Variants in SGCZ observed in about 807,000 individuals in gnomAD.
The protein encoded by SGCZ is zeta-sarcoglycan.
SGCZ carries 40 observed loss-of-function variants against 41.3 expected under a neutral mutation model. The ratio of observed to expected loss-of-function variants is 0.97; its 90% confidence interval spans 0.75 to 1.26. The LOEUF is 1.26. SGCZ is among the 50% of genes most tolerant of loss of function. The pLI is 0.00. For synonymous variants in SGCZ, 206 were observed against 137.5 expected (o/e 1.50, Z -3.49); for missense variants, 552 against 369.8 (o/e 1.49, Z -4.04).
chr8:14,614,676 T>A (rs1196367136), intron 1 of SGCZ, among the ~76,000 whole-genome samples: 2 of 152,074 alleles, frequency 1.3e-5, no homozygotes, highest in Non-Finnish European at 2.9e-5. Context: ...TAGAAAATTT[T>A]TTAAAAGAAG....
intron 1 of SGCZ, among the ~76,000 whole-genome samples, chr8:15,094,666 T>A (rs934930519): frequency 6.6e-6 from 1 of 152,136 alleles, no homozygotes; most frequent in Admixed American, 6.5e-5. Context: ...CAGTTCTTTG[T>A]CCCCACCTTG....
chr8:14,763,680 G>A lies in SGCZ; in HGVS notation c.40-208754C>T, dbSNP rs554276583. Among the ~76,000 whole-genome samples the A allele has an allele frequency of 7.2e-5, 11 of 152,226 alleles. No individual in the cohort carries two copies. In the South Asian group the frequency reaches 8.3e-4, roughly 11 times the overall value. ...GAGATATGATAATACCATAGAGGAG[G>A]TAGGAAGAAAACCCAATGATGGCTT... On this transcript the variant is annotated intron_variant, in intron 1 of 7. Transcript: ENST00000382080.
At chr8:15,053,948 G>A (rs771136618) in intron 1 of SGCZ, among the ~76,000 whole-genome samples, 19 of 152,006 alleles carry the variant, frequency 1.2e-4, no homozygotes, top group Admixed American at 2.6e-4. Flanking sequence ...TATCATCCTT[G>A]ACAAAATTGA....
chr8:14,187,381 A>G (rs2117037602), intron 4 of SGCZ, among the ~76,000 whole-genome samples: 1 of 152,338 alleles, frequency 6.6e-6, no homozygotes, highest in East Asian at 1.9e-4. Context: ...TGCTTGTGAG[A>G]ATGAGCAAAT....
intron 2 of SGCZ, among the ~76,000 whole-genome samples, chr8:14,452,303 G>T (rs1800617722): frequency 6.6e-6 from 1 of 152,038 alleles, no homozygotes; most frequent in African/African-American, 2.4e-5. Context: ...GGGGGGTGAG[G>T]GGAGGGACGA....
At chr8:15,084,150 T>C (rs747797998) in intron 1 of SGCZ, among the ~76,000 whole-genome samples, 5 of 152,220 alleles carry the variant, frequency 3.3e-5, no homozygotes, top group Non-Finnish European at 4.4e-5. Context: ...AAGAAAAATA[T>C]GGAATTCTGA....
chr8:14,193,435 C>T (rs940834031), intron 4 of SGCZ, among the ~76,000 whole-genome samples: 1 of 151,996 alleles, frequency 6.6e-6, no homozygotes, highest in East Asian at 1.9e-4. Flanking sequence ...ACTGTGGCAA[C>T]ATTAAAATGG....
At chr8:14,262,202 A>G (rs1799697814) in intron 3 of SGCZ, among the ~76,000 whole-genome samples, 2 of 152,170 alleles carry the variant, frequency 1.3e-5, no homozygotes. Context: ...AGCAATTTAA[A>G]AACACATATA....
At chr8:14,772,385 A>C (rs901838241) in intron 1 of SGCZ, among the ~76,000 whole-genome samples, 1 of 152,022 alleles carries the variant, frequency 6.6e-6, no homozygotes, top group Non-Finnish European at 1.5e-5. Flanking sequence ...ATTTTCATCC[A>C]TGTTCCCTAA....
At chr8:15,098,597 T>A (rs148188947) in intron 1 of SGCZ, among the ~76,000 whole-genome samples, 5 of 152,352 alleles carry the variant, frequency 3.3e-5, no homozygotes, top group East Asian at 1.9e-4. Context: ...TTCACCTTTA[T>A]AAATGCTTTA....
chr8:14,723,802 G>A (rs1270513553), intron 1 of SGCZ, among the ~76,000 whole-genome samples: 1 of 151,838 alleles, frequency 6.6e-6, no homozygotes, highest in Non-Finnish European at 1.5e-5. Context: ...CATACTATAT[G>A]TATATAATAT....
At chr8:15,056,978 C>A (rs775443791) in intron 1 of SGCZ, among the ~76,000 whole-genome samples, 2 of 152,164 alleles carry the variant, frequency 1.3e-5, no homozygotes, top group African/African-American at 4.8e-5. Context: ...AGGGCACTCA[C>A]CTCTGCCAGA....
intron 1 of SGCZ, among the ~76,000 whole-genome samples, chr8:15,175,376 T>C (rs1238168708): frequency 3.9e-5 from 6 of 152,124 alleles, no homozygotes; most frequent in Non-Finnish European, 7.4e-5. Flanking sequence ...TAAGATCATG[T>C]CCTTTGCAGG....
At chr8:14,616,720 G>C (rs1806117903) in intron 1 of SGCZ, among the ~76,000 whole-genome samples, 1 of 152,014 alleles carries the variant, frequency 6.6e-6, no homozygotes, top group Admixed American at 6.6e-5. Flanking sequence ...ATTTAGACTA[G>C]ATATAACCAG....
intron 1 of SGCZ, among the ~76,000 whole-genome samples, chr8:14,637,862 T>G (rs1031758252): frequency 6.6e-6 from 1 of 151,852 alleles, no homozygotes; most frequent in Non-Finnish European, 1.5e-5. Flanking sequence ...CACTGGCTGG[T>G]AGCTTTGTTT....
At chr8:14,183,414 G>A (rs756805307) in intron 4 of SGCZ, among the ~76,000 whole-genome samples, 16 of 152,034 alleles carry the variant, frequency 1.1e-4, no homozygotes, top group Non-Finnish European at 2.4e-4. Flanking sequence ...GAGGTTAGTA[G>A]AATTTTGCCA....
At chr8:14,906,088 C>T (rs555157711) in intron 1 of SGCZ, among the ~76,000 whole-genome samples, 19 of 152,096 alleles carry the variant, frequency 1.2e-4, no homozygotes, top group African/African-American at 3.4e-4. Context: ...CTGAGATCGA[C>T]AAAAGGCTGC....
At chr8:14,170,221 T>G (rs1804336967) in intron 4 of SGCZ, among the ~76,000 whole-genome samples, 1 of 152,080 alleles carries the variant, frequency 6.6e-6, no homozygotes, top group African/African-American at 2.4e-5. Flanking sequence ...CCTCAGTATT[T>G]AATTAAAAGA....
At chr8:15,075,395 T>C (rs1188460240) in intron 1 of SGCZ, among the ~76,000 whole-genome samples, 1 of 152,208 alleles carries the variant, frequency 6.6e-6, no homozygotes, top group African/African-American at 2.4e-5. Flanking sequence ...GTCATTTTCT[T>C]TTAAAAGCAT....
Sources: gnomAD v4.1 joint callset for allele counts (sites outside exome capture counted in the v4.1 genomes callset) on GRCh38, gnomAD v4.1.1 for gene constraint, MANE v1.5 for transcripts, NCBI Gene and HGNC (gene_info 2026-07-23, HGNC 2026-07-21) for gene names.